Variants in PKIG observed in about 807,000 individuals in gnomAD.
The protein encoded by PKIG is cAMP-dependent protein kinase inhibitor gamma, also known as protein kinase (cAMP-dependent, catalytic) inhibitor gamma.
In PKIG, 1 loss-of-function variant was observed where a neutral mutation model predicts 6.8. The ratio of observed to expected loss-of-function variants is 0.15; its 90% CI spans 0.05 to 0.69. PKIG has a LOEUF of 0.69. PKIG is among the 30% of genes least tolerant of loss of function. The pLI is 0.82. For synonymous variants in PKIG, 39 were observed against 43.0 expected (o/e 0.91, Z 0.36); for missense variants, 77 against 104.0 (o/e 0.74, Z 1.13).
chr20:44,577,423 C>T lies in PKIG; in HGVS notation c.-240-5162C>T, dbSNP rs545858491. Among the ~76,000 whole-genome samples the T allele has an allele frequency of 2.0e-5, 3 of 152,266 alleles. No homozygotes were observed. In the South Asian group the frequency reaches 6.2e-4, roughly 32 times the overall value. ...TGCTGGGATTACAAGCGTCAGCCAC[C>T]GTGCTTGACCAAGAACATTGTTTTA... is the stretch of plus-strand genomic sequence containing the variant. On this transcript the variant is annotated intron_variant, in intron 1 of 4. Transcript: ENST00000372887.
At chr20:44,579,390 G>C (rs1396684926), upstream of PKIG, among the ~76,000 whole-genome samples, 1 of 152,208 alleles carries the variant, frequency 6.6e-6, no homozygotes, top group Admixed American at 6.5e-5. Flanking sequence ...TTTCCTGAAG[G>C]GAAGCCCTTT....
intron 1 of PKIG, among the ~76,000 whole-genome samples, chr20:44,555,215 AAAAC>A (rs1293019047): frequency 2.0e-5 from 3 of 152,226 alleles, no homozygotes; most frequent in Admixed American, 1.3e-4. Context: ...ATTTCAATTG[AAAAC>A]AAACAAGTAA....
chr20:44,572,647 C>T (rs2064863734), intron 1 of PKIG, among the ~76,000 whole-genome samples: 1 of 152,070 alleles, frequency 6.6e-6, no homozygotes, highest in Non-Finnish European at 1.5e-5. Flanking sequence ...ATTTGTCATC[C>T]AAATATGTGC....
At chr20:44,593,967 TATGG>T (rs1185946029) in intron 2 of PKIG, among the ~76,000 whole-genome samples, 3 of 152,220 alleles carry the variant, frequency 2.0e-5, no homozygotes, top group Non-Finnish European at 2.9e-5. Flanking sequence ...GTTTATAGCA[TATGG>T]ATGAGTGCTC....
chr20:44,564,964 T>G (rs1289175934), intron 1 of PKIG, among the ~76,000 whole-genome samples: 2 of 152,202 alleles, frequency 1.3e-5, no homozygotes, highest in Admixed American at 6.5e-5. Context: ...GTAAAAATCA[T>G]TAATAAAAAT....
At position 44,548,891 on chromosome 20, in the gene PKIG, CACACACACACACAT is replaced by C. The variant is rs796347516; in HGVS notation, c.-241+16915_-241+16928del. Among the ~76,000 whole-genome samples, 1,209 of 146,608 alleles carry C rather than the reference CACACACACACACAT, an allele frequency of 8.2e-3. 17 individuals are homozygous for C. Among genetic ancestry groups the C allele is most frequent in the East Asian group, 0.029 (146 of 5,106 alleles). On this transcript the variant is annotated intron_variant, in intron 1 of 4. Coordinates refer to the PKIG transcript ENST00000372887. ...ACACACACACACACACACACACACA[CACACACACACACAT>C]ATATCTGTCTGAGATAATAATTAGA...
intron 1 of PKIG, among the ~76,000 whole-genome samples, chr20:44,540,882 G>A (rs540520138): frequency 2.0e-5 from 3 of 152,278 alleles, no homozygotes; most frequent in South Asian, 2.1e-4. Flanking sequence ...GCGCCTGGCC[G>A]TACTGATGTT....
chr20:44,615,008 C>T (rs866685244), intron 3 of PKIG, among the ~76,000 whole-genome samples: 44 of 152,300 alleles, frequency 2.9e-4, no homozygotes, highest in African/African-American at 1.0e-3. Context: ...CCACTCACAG[C>T]TCTCACCTGG....
rs147389339 is a variant in PKIG at position 44,613,918 on chromosome 20, G to A, written c.-23-616G>A. 6.1e-3 allele frequency among the ~76,000 whole-genome samples: 928 copies of A among 152,216 alleles called. 7 individuals are homozygous for A. The highest frequency in any genetic ancestry group is 0.021 in the African/African-American group (854 of 41,516). ...ATTGTCCCTCTTCTGCCATGCTCCC[G>A]CCTGCTGGCTCTTTCTGTCCTTCCA... On this transcript the variant is annotated intron_variant, in intron 2 of 3. Coordinates refer to ENST00000372886, the MANE Select transcript of PKIG (RefSeq NM_001281445.2).
intron 1 of PKIG, among the ~76,000 whole-genome samples, chr20:44,587,859 A>G (rs937532426): frequency 5.3e-5 from 8 of 152,096 alleles, no homozygotes; most frequent in Admixed American, 4.6e-4. Flanking sequence ...AATCACTACT[A>G]TCTGCAATTG....
chr20:44,539,149 G>C (rs557444194), intron 1 of PKIG, among the ~76,000 whole-genome samples: 1 of 152,038 alleles, frequency 6.6e-6, no homozygotes, highest in Non-Finnish European at 1.5e-5. Flanking sequence ...GGCTGGTCTC[G>C]AACTCCTGAC....
At chr20:44,583,831 C>G (rs758996777) in intron 1 of PKIG, among the ~76,000 whole-genome samples, 1 of 152,118 alleles carries the variant, frequency 6.6e-6, no homozygotes, top group Non-Finnish European at 1.5e-5. Flanking sequence ...GCAAAGGACC[C>G]TAGGTTTTCA....
chr20:44,597,875 C>G (rs2065088287), intron 2 of PKIG, among the ~76,000 whole-genome samples: 1 of 152,220 alleles, frequency 6.6e-6, no homozygotes, highest in African/African-American at 2.4e-5. Flanking sequence ...CCTCCCTTAC[C>G]CCAGAGCTAG....
intron 2 of PKIG, among the ~76,000 whole-genome samples, chr20:44,611,052 CTTTTT>C (rs537375490): frequency 1.5e-5 from 2 of 132,884 alleles, no homozygotes; most frequent in Non-Finnish European, 1.6e-5. Flanking sequence ...TATAGAATGC[CTTTTT>C]TTTTTTTTTT....
chr20:44,610,204 C>A (rs2065202075), intron 2 of PKIG, among the ~76,000 whole-genome samples: 1 of 152,134 alleles, frequency 6.6e-6, no homozygotes, highest in South Asian at 2.1e-4. Flanking sequence ...TGGACAGTGT[C>A]CTGGCCCTCC....
At chr20:44,595,086 G>C (rs191367706) in intron 2 of PKIG, among the ~76,000 whole-genome samples, 2 of 152,210 alleles carry the variant, frequency 1.3e-5, no homozygotes, top group Admixed American at 6.5e-5. Context: ...TGTTCCAGCT[G>C]TGCTGGGAGA....
At chr20:44,546,792 AT>A (rs3091635) in intron 1 of PKIG, among the ~76,000 whole-genome samples, 152,188 of 152,188 alleles carry the variant, frequency 1, 76,094 homozygotes, top group Non-Finnish European at 1. Flanking sequence ...ACCTCAGGTA[AT>A]TCCACCCGTC....
At chr20:44,602,840 CAAA>C (rs3091836) in intron 2 of PKIG, among the ~76,000 whole-genome samples, 3 of 76,886 alleles carry the variant, frequency 3.9e-5, no homozygotes, top group Non-Finnish European at 2.7e-5. Context: ...GACTCCATCT[CAAA>C]AAAAAAAAAA....
chr20:44,610,422 G>A (rs2065203891), intron 2 of PKIG, among the ~76,000 whole-genome samples: 1 of 151,748 alleles, frequency 6.6e-6, no homozygotes. Context: ...GGGGATGTGG[G>A]CCTTGCCCTC....
Sources: allele counts gnomAD v4.1 joint callset (sites outside exome capture counted in the v4.1 genomes callset), GRCh38; gene constraint gnomAD v4.1.1; transcripts MANE v1.5; gene names NCBI Gene and HGNC (gene_info 2026-07-23, HGNC 2026-07-21).